The following NOBOX variants were observed in gnomAD, a reference collection of about 807,000 sequenced individuals.
NOBOX encodes homeobox protein NOBOX.
Under a neutral mutation model 60.2 loss-of-function variants are expected in NOBOX, and 46 were observed. That is an observed-to-expected ratio of 0.76 (90% CI 0.60 to 0.98). The LOEUF is 0.98. Among genes scored for constraint, NOBOX ranks in the 50% least tolerant of loss-of-function variants. The pLI is 0.00. For synonymous variants in NOBOX, 360 were observed against 346.3 expected, an observed-to-expected ratio of 1.04 and a Z score of -0.44; for missense variants, 880 against 865.5, an observed-to-expected ratio of 1.02 and a Z score of -0.21.
rs375181430 is a variant in NOBOX at position 144,404,552 on chromosome 7, G to A, written c.210+4C>T. On this transcript the variant is annotated splice_donor_region_variant and intron_variant, in intron 2 of 9. Coordinates refer to ENST00000467773, the MANE Select transcript of NOBOX (RefSeq NM_001080413.3). ...GCGTGAGCCACAGCGCTCGCCCCCCGTACTGATTTGAGGGTCTCCAGAGCA... is the reference window on the plus strand; with the variant it reads ...GCGTGAGCCACAGCGCTCGCCCCCCATACTGATTTGAGGGTCTCCAGAGCA... The A allele has an allele frequency of 7.4e-6, 12 of 1,612,178 alleles. No homozygotes were observed. The highest frequency in any genetic ancestry group is 9.3e-6 in the Non-Finnish European group (11 of 1,179,252).
rs1390404765 is a variant in NOBOX at position 144,401,405 on chromosome 7, G to A, written c.485C>T (p.Pro162Leu). Residue 162 changes from proline to leucine, a missense_variant, in exon 4 of 10, where the codon CCC becomes CTC. Physicochemically the swap from Pro to Leu is moderately conservative, Grantham distance 98 (BLOSUM62 -3). Transcript: ENST00000467773. This position sits in a 1 kb window ranked among gnomAD's most constrained non-coding sequence, Gnocchi z 4.2. ...GTCTTTGTGGGGAGCCCTGGAGCGGGGGGGCGGGCACAGTCTCCCAGCATC... is the reference window on the plus strand; with the variant it reads ...GTCTTTGTGGGGAGCCCTGGAGCGGAGGGGCGGGCACAGTCTCCCAGCATC... The A allele has an allele frequency of 1.9e-6, 3 of 1,612,998 alleles. No homozygotes were observed. Among genetic ancestry groups the A allele is most frequent in the South Asian group, 1.1e-5 (1 of 91,042 alleles).
intron 1 of NOBOX, chr7:144,410,105 C>T: frequency 7.6e-7 from 1 of 1,323,740 alleles, no homozygotes; most frequent in Non-Finnish European, 1.1e-6. Flanking sequence ...GAGTGTGGTG[C>T]TCACAATTTT....
At chr7:144,404,133 G>A (rs1005246642) in intron 2 of NOBOX, among the ~76,000 whole-genome samples, 13 of 152,196 alleles carry the variant, frequency 8.5e-5, no homozygotes, top group African/African-American at 2.9e-4. Context: ...CCTGTGGACT[G>A]TGGAAGGCGA....
chr7:144,404,888 C>T (rs1398716585), intron 1 of NOBOX, among the ~76,000 whole-genome samples: 1 of 152,006 alleles, frequency 6.6e-6, no homozygotes, highest in African/African-American at 2.4e-5. Flanking sequence ...GGTAGAAAGT[C>T]GGAGGGCTGG....
Position 144,404,584 on chromosome 7 carries a change from C to G in NOBOX, c.182G>C (p.Ser61Thr). Residue 61 changes from serine (S) to threonine (T), a missense_variant, in exon 2 of 10, where the codon AGC becomes ACC. Transcript: ENST00000467773. ...TTTGAGGGTCTCCAGAGCACAAAGG[C>G]TGCACCGGATGATGAAGAAGGAGCT... The G allele has an allele frequency of 6.2e-7, 1 of 1,613,656 alleles. No homozygotes were observed. The highest frequency in any genetic ancestry group is 8.5e-7 in the Non-Finnish European group (1 of 1,179,844).
In NOBOX at chr7:144,398,503, T is replaced by A; in HGVS notation, c.1553A>T (p.Gln518Leu). The change falls in exon 9 of 10, where the codon CAG becomes CTG. Residue 518 changes from glutamine to leucine, a missense_variant. Gln to Leu is a moderately radical substitution (Grantham distance 113). Coordinates refer to ENST00000467773, the MANE Select transcript of NOBOX (RefSeq NM_001080413.3). ...CGGGGGCTGTGGAGCCTGGGAGAAC[T>A]GGAAGGGTCCTGGCTGGTTGCTCTG... 2 of 1,536,816 alleles carry A rather than the reference T, an allele frequency of 1.3e-6. No homozygotes were observed. The highest frequency in any genetic ancestry group is 1.7e-6 in the Non-Finnish European group (2 of 1,146,756).
chr7:144,397,810 G>A (rs1007807764), intron 9 of NOBOX, among the ~76,000 whole-genome samples: 3 of 152,144 alleles, frequency 2.0e-5, no homozygotes, highest in Non-Finnish European at 4.4e-5. Flanking sequence ...AAGGAGACCA[G>A]GAACCACCTG....
intron 9 of NOBOX, 135 bp downstream of exon 7, chr7:144,398,147 T>C (rs2053906603): frequency 2.5e-6 from 2 of 789,776 alleles, no homozygotes; most frequent in Non-Finnish European, 4.3e-6. Context: ...AAGAGCTTAA[T>C]AGAACTAGGG....
chr7:144,398,196 C>T (rs879181023), intron 9 of NOBOX, 86 bp downstream of exon 7: 3 of 1,213,804 alleles, frequency 2.5e-6, no homozygotes, highest in Non-Finnish European at 3.5e-6. Context: ...TGACCTGCCT[C>T]AGTCTACCCT....
intron 1 of NOBOX, among the ~76,000 whole-genome samples, chr7:144,409,492 C>T (rs2054007638): frequency 6.6e-6 from 1 of 152,100 alleles, no homozygotes; most frequent in African/African-American, 2.4e-5. Flanking sequence ...AATTACACTC[C>T]ATATATAATT....
chr7:144,400,155 G>T lies in NOBOX; in HGVS notation c.1002C>A (p.Thr334=). The change falls in exon 5 of 10, where the codon ACC becomes ACA. Residue 334 remains threonine, a synonymous_variant. Coordinates refer to ENST00000467773, the MANE Select transcript of NOBOX (RefSeq NM_001080413.3). ...CACTCTGCAATTCGAGTGTTTCAAT[G>T]GTGGGCCCTCCGCCACTCCACCCTG... 6.2e-7 allele frequency: 1 copy of T among 1,613,928 alleles called. No individual in the cohort carries two copies. Among genetic ancestry groups the T allele is most frequent in the South Asian group, 1.1e-5 (1 of 91,084 alleles).
chr7:144,410,209 G>C lies in NOBOX; in HGVS notation c.19C>G (p.Leu7Val). ...GTACCCTCCAGGTCTGGTGATGTTA[G>C]TGTCAAAAGGAGAGCCATGTCATGG... Residue 7 changes from leucine to valine, a missense_variant, in exon 1 of 10, where the codon CTA becomes GTA. Leu to Val is a conservative substitution (Grantham distance 32, BLOSUM62 1). Coordinates refer to ENST00000467773, the MANE Select transcript of NOBOX (RefSeq NM_001080413.3). 2.6e-6 allele frequency: 4 copies of C among 1,566,966 alleles called. No individual in the cohort carries two copies. The highest frequency in any genetic ancestry group is 3.5e-6 in the Non-Finnish European group (4 of 1,154,406).
In NOBOX at chr7:144,403,451, G is replaced by C. The variant is rs550023535; in HGVS notation, c.210+1105C>G. Among the ~76,000 whole-genome samples the C allele has an allele frequency of 2.6e-5, 4 of 152,106 alleles. No homozygotes were observed. In the South Asian group the frequency reaches 8.3e-4, roughly 32 times the overall value. ...GAGACTGGAGGCGGGCAGGGGGCGCGGGGGAGCGGGGAGGGGGGTTGCAAT... is the reference window on the plus strand; with the variant it reads ...GAGACTGGAGGCGGGCAGGGGGCGCCGGGGAGCGGGGAGGGGGGTTGCAAT... On this transcript the variant is annotated intron_variant, in intron 2 of 9. Coordinates refer to ENST00000467773, the MANE Select transcript of NOBOX (RefSeq NM_001080413.3).
intron 1 of NOBOX, among the ~76,000 whole-genome samples, chr7:144,407,107 A>T (rs954851241): frequency 6.6e-6 from 1 of 151,742 alleles, no homozygotes; most frequent in South Asian, 2.1e-4. Context: ...TTCCCCTCAC[A>T]GATATGAGAA....
Position 144,406,933 on chromosome 7 carries a change from A to T in NOBOX, c.86-2253T>A, listed in dbSNP as rs534430855. Reference sequence around the variant, plus strand: ...TGTTTGGTTGCATTTCATCTTTGTGATCAGCTGACTAGTTCATAGCCTAAC... The same window carrying T: ...TGTTTGGTTGCATTTCATCTTTGTGTTCAGCTGACTAGTTCATAGCCTAAC... On this transcript the variant is annotated intron_variant, in intron 1 of 9. Coordinates refer to ENST00000467773, the MANE Select transcript of NOBOX (RefSeq NM_001080413.3). Among the ~76,000 whole-genome samples the T allele has an allele frequency of 2.0e-5, 3 of 152,158 alleles. No homozygotes were observed. The East Asian group carries it at 5.8e-4, about 29-fold the overall frequency.
At chr7:144,404,132 T>A (rs1381363960) in intron 2 of NOBOX, among the ~76,000 whole-genome samples, 2 of 152,184 alleles carry the variant, frequency 1.3e-5, no homozygotes, top group Non-Finnish European at 2.9e-5. Flanking sequence ...CCCTGTGGAC[T>A]GTGGAAGGCG....
Position 144,399,758 on chromosome 7 carries a change from T to C in NOBOX, c.1153A>G (p.Ser385Gly), listed in dbSNP as rs2053922715. 2.5e-6 allele frequency: 4 copies of C among 1,607,652 alleles called. No homozygotes were observed. Among genetic ancestry groups the C allele is most frequent in the Non-Finnish European group, 3.4e-6 (4 of 1,176,136 alleles). Residue 385 changes from serine (S) to glycine (G), a missense_variant and splice_region_variant, in exon 6 of 10, where the codon AGC (serine) becomes GGC (glycine). Physicochemically the swap from Ser to Gly is moderately conservative, Grantham distance 56. Transcript: ENST00000467773. ...TACAGAAAGAGGAAGAATTCTGACC[T>C]GCATTGACTGCTGGCAGGGCCAGGG...
In NOBOX at chr7:144,398,358, G is replaced by C. The variant is rs374879171; in HGVS notation, c.1698C>G (p.Ser566Arg). ...GGCAATAGCCCTGCGATGTGCCCCC[G>C]CTGGGGCCACAGGGAAACATAAAGA... The change falls in exon 9 of 10, where the codon AGC becomes AGG. Residue 566 changes from serine to arginine, a missense_variant. Coordinates refer to ENST00000467773, the MANE Select transcript of NOBOX (RefSeq NM_001080413.3). The C allele has an allele frequency of 6.5e-7, 1 of 1,537,146 alleles. No homozygotes were observed. The highest frequency in any genetic ancestry group is 8.7e-7 in the Non-Finnish European group (1 of 1,146,794).
chr7:144,398,638 G>T, intron 8 of NOBOX, 52 bp from the exon 7 acceptor site: 1 of 1,274,304 alleles, frequency 7.8e-7, no homozygotes, highest in Non-Finnish European at 1.1e-6. Context: ...GGAGCTCCCC[G>T]TTCCTACCAC....
Sources: gnomAD v4.1 joint callset for allele counts (sites outside exome capture counted in the v4.1 genomes callset) on GRCh38, gnomAD v4.1.1 for gene constraint, Gnocchi (gnomAD v3.1) non-coding constraint, MANE v1.5 for transcripts, NCBI Gene and HGNC (gene_info 2026-07-23, HGNC 2026-07-21) for gene names.